Variants in POU2F2 observed in about 807,000 individuals in gnomAD.
POU2F2 encodes POU class 2 homeobox 2, also known as POU domain, class 2, transcription factor 2.
Under a neutral mutation model 63.5 loss-of-function variants are expected in POU2F2, and 14 were observed. That is an observed-to-expected ratio of 0.22 (90% CI 0.15 to 0.34). POU2F2 has a LOEUF of 0.34. Among genes scored for constraint, POU2F2 ranks in the 10% least tolerant of loss-of-function variants. POU2F2 has a pLI of 1.00. For synonymous variants in POU2F2, 306 were observed against 348.6 expected (o/e 0.88, Z 1.36); for missense variants, 607 against 815.2 (o/e 0.74, Z 3.11).
upstream of POU2F2, among the ~76,000 whole-genome samples, chr19:42,197,505 C>A (rs2035164812): frequency 6.6e-6 from 1 of 152,156 alleles, no homozygotes; most frequent in African/African-American, 2.4e-5. Flanking sequence ...AAGGTGTGGG[C>A]AGGGGCACCC....
intron 1 of POU2F2, among the ~76,000 whole-genome samples, chr19:42,194,480 C>G (rs575176390): frequency 6.8e-6 from 1 of 146,700 alleles, no homozygotes; most frequent in African/African-American, 2.5e-5. Context: ...AGGAAGAGAT[C>G]GGGTGCCGTG....
chr19:42,105,896 T>C (rs2077316175), intron 5 of POU2F2, among the ~76,000 whole-genome samples: 1 of 151,752 alleles, frequency 6.6e-6, no homozygotes, highest in Non-Finnish European at 1.5e-5. Flanking sequence ...GAGGTCTAAA[T>C]GTTTTTGTGC....
At chr19:42,103,226 C>T (rs1293491891) in intron 5 of POU2F2, among the ~76,000 whole-genome samples, 2 of 152,102 alleles carry the variant, frequency 1.3e-5, no homozygotes, top group Non-Finnish European at 2.9e-5. Flanking sequence ...ATTTCATCTC[C>T]CTCACAAGGC....
intron 1 of POU2F2, among the ~76,000 whole-genome samples, chr19:42,193,658 G>A (rs1334193615): frequency 1.3e-5 from 2 of 152,196 alleles, no homozygotes; most frequent in Admixed American, 6.5e-5. Context: ...ATTGTGTTAA[G>A]CCAGCACGTT....
chr19:42,181,827 C>T (rs2034964063), intron 1 of POU2F2, among the ~76,000 whole-genome samples: 1 of 152,152 alleles, frequency 6.6e-6, no homozygotes, highest in Non-Finnish European at 1.5e-5. Context: ...ACCTGGTGGT[C>T]CACCCACCTC....
At chr19:42,174,652 A>G (rs2034838025) in intron 1 of POU2F2, among the ~76,000 whole-genome samples, 1 of 151,736 alleles carries the variant, frequency 6.6e-6, no homozygotes, top group Non-Finnish European at 1.5e-5. Context: ...ACACACAGTT[A>G]GTCCTTCCTG....
At chr19:42,182,793 G>A (rs536682951) in intron 1 of POU2F2, among the ~76,000 whole-genome samples, 1 of 152,126 alleles carries the variant, frequency 6.6e-6, no homozygotes, top group African/African-American at 2.4e-5. Context: ...AAGTGGGTAG[G>A]GTCCTGGGAC....
chr19:42,121,231 C>T (rs2032572587), intron 4 of POU2F2, among the ~76,000 whole-genome samples: 1 of 152,160 alleles, frequency 6.6e-6, no homozygotes, highest in Non-Finnish European at 1.5e-5. Flanking sequence ...AGGTCAAGAT[C>T]GAGAGCCTGT....
At chr19:42,138,719 G>T (rs1463938305) in intron 2 of POU2F2, among the ~76,000 whole-genome samples, 1 of 151,990 alleles carries the variant, frequency 6.6e-6, no homozygotes, top group African/African-American at 2.4e-5. Context: ...ACAGGAACAG[G>T]ATATGAGAAG....
chr19:42,176,368 G>T (rs1599720991), upstream of POU2F2, among the ~76,000 whole-genome samples: 1 of 151,566 alleles, frequency 6.6e-6, no homozygotes. Flanking sequence ...TTTTTGGCCC[G>T]GGGGCAGCAG....
Position 42,093,913 on chromosome 19 carries a change from G to T in POU2F2, c.1198-18C>A. On this transcript the variant is annotated intron_variant, in intron 11 of 14. Transcript: ENST00000692977. ...GGTGTGACCTGAGGAGAGAAGAAAG[G>T]AGGTGTGGTTAGCCACTGTCTGCCA... 1 of 1,602,276 alleles carries T rather than the reference G, an allele frequency of 6.2e-7. No homozygotes were observed. The highest frequency in any genetic ancestry group is 8.5e-7 in the Non-Finnish European group (1 of 1,170,916).
intron 1 of POU2F2, among the ~76,000 whole-genome samples, chr19:42,174,004 G>A (rs2034822095): frequency 6.6e-6 from 1 of 152,192 alleles, no homozygotes; most frequent in Non-Finnish European, 1.5e-5. Context: ...AGAAGGTCCA[G>A]GGAAGCTTTT....
chr19:42,182,505 G>A (rs1441659079), intron 1 of POU2F2, among the ~76,000 whole-genome samples: 4 of 152,092 alleles, frequency 2.6e-5, no homozygotes. Flanking sequence ...GGAGATGGGA[G>A]AAGGAGATAA....
intron 5 of POU2F2, 104 bp from the exon 6 acceptor site, chr19:42,099,925 C>G (rs1472529629): frequency 1.1e-6 from 1 of 905,408 alleles, no homozygotes; most frequent in African/African-American, 1.6e-5. Context: ...GAAGCTGCTC[C>G]ACATGGCGAT....
intron 5 of POU2F2, among the ~76,000 whole-genome samples, chr19:42,107,510 GA>G (rs1275458724): frequency 6.6e-6 from 1 of 152,156 alleles, no homozygotes; most frequent in African/African-American, 2.4e-5. Context: ...AATCATGAGT[GA>G]AAACAGTGTT....
At chr19:42,099,692 G>A in intron 6 of POU2F2, 24 bp downstream of exon 6, 1 of 1,599,346 alleles carries the variant, frequency 6.3e-7, no homozygotes, top group Non-Finnish European at 8.5e-7. Flanking sequence ...GCGTCAGGGA[G>A]GCCATCTGGG....
At chr19:42,193,217 CAAAAAAAAA>C (rs1046136227) in intron 1 of POU2F2, among the ~76,000 whole-genome samples, 2 of 65,988 alleles carry the variant, frequency 3.0e-5, no homozygotes, top group African/African-American at 6.2e-5. Flanking sequence ...GACTCCGTCT[CAAAAAAAAA>C]AAAAAAAAAA....
At chr19:42,093,988 G>A in intron 11 of POU2F2, 93 bp from the exon 12 acceptor site, 2 of 1,028,052 alleles carry the variant, frequency 1.9e-6, no homozygotes, top group African/African-American at 1.6e-5. Context: ...GTCCCAGGAT[G>A]GGGGCAGGGG....
chr19:42,184,587 G>A (rs898860254), intron 1 of POU2F2, among the ~76,000 whole-genome samples: 1 of 152,108 alleles, frequency 6.6e-6, no homozygotes. Context: ...CCCTTCCAGA[G>A]GCCAGTCCAA....
Sources: gnomAD v4.1 joint callset for allele counts (sites outside exome capture counted in the v4.1 genomes callset) on GRCh38, gnomAD v4.1.1 for gene constraint, MANE v1.5 for transcripts, NCBI Gene and HGNC (gene_info 2026-07-23, HGNC 2026-07-21) for gene names.